NEB: variants seen among roughly 807,000 people sequenced by gnomAD.
The protein encoded by NEB is nemaline myopathy type 2.
Under a neutral mutation model 952.2 loss-of-function variants are expected in NEB, and 512 were observed. The ratio of observed to expected loss-of-function variants is 0.54; its 90% CI spans 0.50 to 0.58. NEB has a LOEUF of 0.58. Among genes scored for constraint, NEB ranks in the 20% least tolerant of loss-of-function variants. The probability of loss-of-function intolerance (pLI) is 0.00; values close to 1 mark genes in which losing one functional copy is unlikely to be tolerated. For synonymous variants in NEB, 2,900 were observed against 3,149.8 expected, an observed-to-expected ratio of 0.92 and a Z score of 2.66; for missense variants, 8,428 against 9,231.1, an observed-to-expected ratio of 0.91 and a Z score of 3.56.
intron 63 of NEB, among the ~76,000 whole-genome samples, chr2:151,637,295 A>G (rs1183851735): frequency 6.6e-6 from 1 of 152,112 alleles, no homozygotes; most frequent in Non-Finnish European, 1.5e-5. Flanking sequence ...TCAGTAGACT[A>G]AGGTGGCATC....
At chr2:151,707,879 G>A (rs1483609313) in intron 12 of NEB, among the ~76,000 whole-genome samples, 2 of 152,192 alleles carry the variant, frequency 1.3e-5, no homozygotes. Flanking sequence ...AGCCTCCACA[G>A]AGCATCACGA....
At position 151,607,387 on chromosome 2, in the gene NEB, G is replaced by A. The variant is rs2097754090; in HGVS notation, c.12639+117C>T. 1.0e-5 allele frequency: 5 copies of A among 483,486 alleles called. 1 individual carries two copies. In the Admixed American group the frequency reaches 2.2e-4, roughly 21 times the overall value. 29.9% of individuals were successfully genotyped at this position (483,486 alleles called of 1,614,324 possible). ...TGGGACTGGTAGCTAAAGAGAAAAT[G>A]TCTAGCACCAAAAGCCACAAACATT... is the stretch of plus-strand genomic sequence containing the variant. On this transcript the variant is annotated intron_variant, in intron 83 of 181. Transcript: ENST00000397345.
chr2:151,679,762 G>C lies in NEB; in HGVS notation c.3214C>G (p.Pro1072Ala). Reference protein sequence around the residue: ...KGYDLRTDAIPIRAAKAARQA... With the variant: ...KGYDLRTDAIAIRAAKAARQA... ...CTGGCAGCTTTGGCAGCTCTGATGG[G>C]AATCGCATCAGTTCTCAGGTCATAT... The change falls in exon 32 of 182, where the codon CCC becomes GCC. Residue 1072 changes from proline to alanine, a missense_variant. Physicochemically the swap from Pro to Ala is conservative, Grantham distance 27. Transcript: ENST00000397345. 6.2e-7 allele frequency: 1 copy of C among 1,613,790 alleles called. No individual in the cohort carries two copies. Among genetic ancestry groups the C allele is most frequent in the Non-Finnish European group, 8.5e-7 (1 of 1,179,814 alleles).
intron 27 of NEB, among the ~76,000 whole-genome samples, chr2:151,686,947 CA>C (rs1037997604): frequency 2.6e-5 from 4 of 152,064 alleles, no homozygotes; most frequent in African/African-American, 9.7e-5. Flanking sequence ...ATCAGAGTCT[CA>C]GGGGGGTTTA....
intron 106 of NEB, 136 bp downstream of exon 106, chr2:151,576,015 C>G (rs1392944383): frequency 1.3e-6 from 1 of 761,706 alleles, no homozygotes; most frequent in Non-Finnish European, 2.1e-6. Flanking sequence ...ATAAGCAAAC[C>G]AAGACAATAC....
At chr2:151,622,799 T>C (rs2098445275) in intron 71 of NEB, among the ~76,000 whole-genome samples, 2 of 152,212 alleles carry the variant, frequency 1.3e-5, no homozygotes, top group Admixed American at 1.3e-4. Flanking sequence ...ATACGGTGAA[T>C]ATTCAAATTT....
At chr2:151,502,526 A>G (rs1216036335) in intron 167 of NEB, among the ~76,000 whole-genome samples, 1 of 152,166 alleles carries the variant, frequency 6.6e-6, no homozygotes, top group Non-Finnish European at 1.5e-5. Flanking sequence ...CCAGTTAGAA[A>G]CACCTACTGT....
At chr2:151,500,561 T>TGAA (rs1412435376) in intron 168 of NEB, among the ~76,000 whole-genome samples, 3 of 151,216 alleles carry the variant, frequency 2.0e-5, no homozygotes, top group African/African-American at 7.3e-5. Flanking sequence ...TGGCTTGTTT[T>TGAA]GAATAAGTAT....
intron 169 of NEB, 90 bp from the exon 170 acceptor site, chr2:151,498,442 A>AAGAG (rs2061835799): frequency 1.2e-6 from 1 of 861,646 alleles, no homozygotes; most frequent in South Asian, 1.8e-5. Context: ...GGAAGGGAGG[A>AAGAG]AGAGAGTAAG....
intron 13 of NEB, among the ~76,000 whole-genome samples, chr2:151,704,346 T>C (rs1490908946): frequency 7.1e-6 from 1 of 141,482 alleles, no homozygotes; most frequent in Admixed American, 7.1e-5. Context: ...AGGTGGAGCC[T>C]ACAGAGGCAG....
At chr2:151,660,860 C>A (rs573971362) in intron 46 of NEB, among the ~76,000 whole-genome samples, 1 of 152,150 alleles carries the variant, frequency 6.6e-6, no homozygotes, top group Non-Finnish European at 1.5e-5. Context: ...TCTGCATAAT[C>A]CAATATGGTA....
intron 135 of NEB, among the ~76,000 whole-genome samples, chr2:151,543,127 AGTTCAGTG>A (rs2094285367): frequency 6.6e-6 from 1 of 152,228 alleles, no homozygotes; most frequent in Non-Finnish European, 1.5e-5. Context: ...AGGGCACAGC[AGTTCAGTG>A]GTACGATCCT....
chr2:151,662,280 G>A lies in NEB; in HGVS notation c.5825C>T (p.Ser1942Phe). Reference protein sequence around the residue: ...MKGIGWLPLGSLEAEKNKKAM... With the variant: ...MKGIGWLPLGFLEAEKNKKAM... Reference sequence around the variant, plus strand: ...TTTCTTGTTTTTCTCTGCTTCCAGGGAGCCCAGAGGGAGCCATCCAATGCC... The same window carrying A: ...TTTCTTGTTTTTCTCTGCTTCCAGGAAGCCCAGAGGGAGCCATCCAATGCC... Residue 1942 changes from serine (S) to phenylalanine (F), a missense_variant, in exon 46 of 182, where the codon TCC becomes TTC. Coordinates refer to ENST00000397345, the MANE Select transcript of NEB (RefSeq NM_001164508.2). 6.2e-7 allele frequency: 1 copy of A among 1,613,560 alleles called. No individual in the cohort carries two copies. The highest frequency in any genetic ancestry group is 8.5e-7 in the Non-Finnish European group (1 of 1,179,668).
intron 17 of NEB, among the ~76,000 whole-genome samples, chr2:151,696,393 C>A (rs1184450691): frequency 6.6e-6 from 1 of 152,200 alleles, no homozygotes; most frequent in Non-Finnish European, 1.5e-5. Flanking sequence ...TTGTTTGACT[C>A]TAGAACTCAT....
intron 165 of NEB, among the ~76,000 whole-genome samples, chr2:151,503,730 C>G (rs560707978): frequency 1.3e-5 from 2 of 152,096 alleles, no homozygotes; most frequent in African/African-American, 4.8e-5. Context: ...AAAATCTAAC[C>G]ATTTTGTTGC....
intron 173 of NEB, 84 bp from the exon 174 acceptor site, chr2:151,494,337 G>C (rs557903450): frequency 1.1e-6 from 1 of 946,014 alleles, no homozygotes; most frequent in Admixed American, 2.5e-5. Context: ...GATAACTTTT[G>C]ATTATCTTTA....
intron 27 of NEB, 79 bp from the exon 28 acceptor site, chr2:151,685,054 T>C (rs2148849110): frequency 1.5e-6 from 2 of 1,370,938 alleles, no homozygotes; most frequent in South Asian, 1.3e-5. Context: ...TCATAAACAA[T>C]AAATACAAGT....
At position 151,695,400 on chromosome 2, in the gene NEB, A is replaced by G. The variant is rs538803526; in HGVS notation, c.1674+178T>C. 5.3e-5 allele frequency among the ~76,000 whole-genome samples: 8 copies of G among 152,338 alleles called. No individual in the cohort carries two copies. The East Asian group carries it at 1.5e-3, about 29-fold the overall frequency. On this transcript the variant is annotated intron_variant, in intron 18 of 181. Coordinates refer to ENST00000397345, the MANE Select transcript of NEB (RefSeq NM_001164508.2). ...GTATGAAATTACTTATAAGATTGCT[A>G]CACATATTTTGTAAGGTGAATTCAG...
At chr2:151,525,031 A>G (rs554019582) in intron 151 of NEB, 132 bp downstream of exon 151, 1 of 734,920 alleles carries the variant, frequency 1.4e-6, no homozygotes, top group Non-Finnish European at 2.3e-6. Context: ...AACCCAAACC[A>G]ATTCTCGCCA....
Sources: allele counts gnomAD v4.1 joint callset (sites outside exome capture counted in the v4.1 genomes callset), GRCh38; gene constraint gnomAD v4.1.1; transcripts MANE v1.5; gene names NCBI Gene and HGNC (gene_info 2026-07-23, HGNC 2026-07-21).